AGTPBP1: variants seen among roughly 807,000 people sequenced by gnomAD.
AGTPBP1 encodes the protein ATP/GTP binding carboxypeptidase 1.
AGTPBP1 carries 70 observed loss-of-function variants against 143.9 expected under a neutral mutation model. The ratio of observed to expected loss-of-function variants is 0.49; its 90% CI spans 0.40 to 0.59. AGTPBP1 has a LOEUF of 0.59. Ranked by LOEUF, AGTPBP1 falls within the 20% of genes least tolerant of loss-of-function variation. The pLI is 0.00. For synonymous variants in AGTPBP1, 463 were observed against 500.2 expected (o/e 0.93, Z 0.99); for missense variants, 1,229 against 1,464.5 (o/e 0.84, Z 2.62).
chr9:85,680,306 G>A (rs925043985), intron 4 of AGTPBP1, among the ~76,000 whole-genome samples: 6 of 152,092 alleles, frequency 3.9e-5, no homozygotes, highest in Non-Finnish European at 5.9e-5. Context: ...CTGTTAGGCC[G>A]GGCACAGTGG....
intron 13 of AGTPBP1, among the ~76,000 whole-genome samples, chr9:85,638,516 T>C (rs1832235211): frequency 6.6e-6 from 1 of 151,988 alleles, no homozygotes; most frequent in Admixed American, 6.6e-5. Context: ...ATAGAAGTAA[T>C]TATATGTAAA....
chr9:85,573,172 T>C (rs1050727103), intron 25 of AGTPBP1, among the ~76,000 whole-genome samples: 1 of 150,254 alleles, frequency 6.7e-6, no homozygotes, highest in African/African-American at 2.4e-5. Flanking sequence ...TGGACTGTAC[T>C]GCTGCCATCT....
chr9:85,778,291 G>A, the AGTPBP1 span, among the ~76,000 whole-genome samples: 3 of 152,188 alleles, frequency 2.0e-5, no homozygotes, highest in Admixed American at 6.5e-5. Context: ...ATAGTCAAAC[G>A]TTCAGTTTCC....
chr9:85,666,391 G>C (rs1441620263), intron 8 of AGTPBP1, among the ~76,000 whole-genome samples: 1 of 152,088 alleles, frequency 6.6e-6, no homozygotes, highest in African/African-American at 2.4e-5. Flanking sequence ...TGTTTAAAGG[G>C]AGGAAGAAAT....
intron 1 of AGTPBP1, among the ~76,000 whole-genome samples, chr9:85,727,536 A>C (rs2134695131): frequency 6.6e-6 from 1 of 152,336 alleles, no homozygotes; most frequent in South Asian, 2.1e-4. Context: ...CTACATACAG[A>C]AATACAGTGG....
chr9:85,677,914 G>C (rs1834935195), intron 5 of AGTPBP1, among the ~76,000 whole-genome samples: 2 of 152,150 alleles, frequency 1.3e-5, no homozygotes, highest in Admixed American at 6.5e-5. Flanking sequence ...TGAGGCAGGA[G>C]AATCTCTTGA....
the AGTPBP1 span, among the ~76,000 whole-genome samples, chr9:85,765,378 G>C: frequency 6.6e-6 from 1 of 152,088 alleles, no homozygotes; most frequent in Non-Finnish European, 1.5e-5. Flanking sequence ...TGGTTTAAAA[G>C]GCCCAATGTC....
rs560255967 is a variant in AGTPBP1, at chr9:85,640,929, G to C, written c.1302+1898C>G. Among the ~76,000 whole-genome samples the C allele has an allele frequency of 3.3e-5, 5 of 152,300 alleles. No homozygotes were observed. In the East Asian group the frequency reaches 5.8e-4, roughly 18 times the overall value. On this transcript the variant is annotated intron_variant, in intron 13 of 25. Transcript: ENST00000357081. Reference sequence around the variant, plus strand: ...CAGTACTGGAGGTTAATCACAGTCTGAAGTATTAAATGGAAAAGTACAGAA... The same window carrying C: ...CAGTACTGGAGGTTAATCACAGTCTCAAGTATTAAATGGAAAAGTACAGAA...
upstream of AGTPBP1, among the ~76,000 whole-genome samples, chr9:85,746,023 C>T (rs1384734615): frequency 6.6e-6 from 1 of 152,118 alleles, no homozygotes; most frequent in Non-Finnish European, 1.5e-5. Flanking sequence ...TTGTCAGCCA[C>T]GTTTACAGTA....
chr9:85,604,199 TA>T (rs1210664338), intron 17 of AGTPBP1, among the ~76,000 whole-genome samples: 4 of 152,112 alleles, frequency 2.6e-5, no homozygotes, highest in Non-Finnish European at 5.9e-5. Flanking sequence ...TCTGACCCAG[TA>T]TAGTACCAGC....
At chr9:85,793,359 C>T in the AGTPBP1 span, 4 of 152,020 alleles carry the variant, frequency 2.6e-5, no homozygotes, top group African/African-American at 9.7e-5. Flanking sequence ...GAAATCAGTC[C>T]TCATTTAGCA....
the AGTPBP1 span, among the ~76,000 whole-genome samples, chr9:85,759,790 A>G: frequency 6.6e-6 from 1 of 152,344 alleles, no homozygotes; most frequent in East Asian, 1.9e-4. Flanking sequence ...ACTGAAGGAG[A>G]TAGAGACACA....
At chr9:85,554,396 A>C (rs560069350) in intron 25 of AGTPBP1, 1 of 152,602 alleles carries the variant, frequency 6.6e-6, no homozygotes, top group Admixed American at 6.5e-5. Flanking sequence ...GCAGCAAAAC[A>C]ACCAAAACAA....
At chr9:85,704,588 A>G (rs1455587650) in intron 2 of AGTPBP1, among the ~76,000 whole-genome samples, 5 of 152,236 alleles carry the variant, frequency 3.3e-5, no homozygotes, top group South Asian at 2.1e-4. Flanking sequence ...CAAACATTAA[A>G]AGAAAGACTC....
intron 10 of AGTPBP1, 42 bp from the exon 11 acceptor site, chr9:85,655,362 G>A (rs1833431381): frequency 2.4e-5 from 35 of 1,442,016 alleles, no homozygotes; most frequent in Non-Finnish European, 3.1e-5. Context: ...TGTTTTTGAT[G>A]AATAACTGAA....
chr9:85,724,221 G>A (rs1296330910), intron 1 of AGTPBP1, among the ~76,000 whole-genome samples: 4 of 150,816 alleles, frequency 2.7e-5, no homozygotes, highest in African/African-American at 7.3e-5. Context: ...TGGGAGGCAG[G>A]GGTTACAGTG....
the AGTPBP1 span, among the ~76,000 whole-genome samples, chr9:85,760,419 C>A: frequency 6.6e-6 from 1 of 152,156 alleles, no homozygotes; most frequent in Admixed American, 6.5e-5. Flanking sequence ...AGCTTATCCA[C>A]CATGATCATG....
intron 1 of AGTPBP1, among the ~76,000 whole-genome samples, chr9:85,729,685 CAA>C (rs879314041): frequency 7.2e-6 from 1 of 139,168 alleles, no homozygotes; most frequent in Admixed American, 7.2e-5. Context: ...AACTCAATAG[CAA>C]AAAAAAAAAG....
At chr9:85,719,212 G>T (rs529543388) in intron 1 of AGTPBP1, among the ~76,000 whole-genome samples, 18 of 152,094 alleles carry the variant, frequency 1.2e-4, no homozygotes, top group Admixed American at 1.2e-3. Flanking sequence ...GAAAGTCATC[G>T]GTAGCTTGAT....
Sources: allele counts gnomAD v4.1 joint callset (sites outside exome capture counted in the v4.1 genomes callset), GRCh38; gene constraint gnomAD v4.1.1; transcripts MANE v1.5; gene names NCBI Gene and HGNC (gene_info 2026-07-23, HGNC 2026-07-21).